The following PVT1 variants were observed in gnomAD, a reference collection of about 807,000 sequenced individuals.
PVT1 encodes Pvt1 oncogene.
intron 5 of PVT1, among the ~76,000 whole-genome samples, chr8:128,076,992 C>G (rs1346026981): frequency 6.6e-6 from 1 of 152,216 alleles, no homozygotes; most frequent in Non-Finnish European, 1.5e-5. Context: ...AAAGGGTATT[C>G]CCCTGCTTTG....
At chr8:127,835,834 T>C (rs1354589182) in intron 2 of PVT1, among the ~76,000 whole-genome samples, 1 of 152,192 alleles carries the variant, frequency 6.6e-6, no homozygotes, top group Non-Finnish European at 1.5e-5. Flanking sequence ...AGATAGACTA[T>C]GCAGGCCTAA....
intron 3 of PVT1, among the ~76,000 whole-genome samples, chr8:127,961,096 C>T (rs1816637771): frequency 6.6e-6 from 1 of 152,084 alleles, no homozygotes; most frequent in African/African-American, 2.4e-5. Flanking sequence ...AAGGAGTTTG[C>T]CCAGAGAAGA....
At chr8:127,869,379 C>A (rs1359839532) in intron 2 of PVT1, among the ~76,000 whole-genome samples, 1 of 152,098 alleles carries the variant, frequency 6.6e-6, no homozygotes, top group African/African-American at 2.4e-5. Context: ...GATGCACCCA[C>A]CTCCTCCTCT....
chr8:127,794,670 T>A (rs1416566216), exon 1 of PVT1: 2 of 152,974 alleles, frequency 1.3e-5, no homozygotes, highest in African/African-American at 4.8e-5. Context: ...TCCAGTGGAT[T>A]TCCTTGCGGA....
intron 4 of PVT1, among the ~76,000 whole-genome samples, chr8:128,034,605 C>T (rs1410360429): frequency 6.6e-6 from 1 of 152,210 alleles, no homozygotes; most frequent in African/African-American, 2.4e-5. Context: ...GCTAAACATA[C>T]ATGTGCAAAA....
rs755767779 is a variant in PVT1, at chr8:128,029,947, A to T, written n.913-40213A>T. 4.7e-4 allele frequency among the ~76,000 whole-genome samples: 71 copies of T among 152,148 alleles called. 1 individual carries two copies. Among genetic ancestry groups the T allele is most frequent in the Non-Finnish European group, 6.9e-4 (47 of 68,024 alleles). On this transcript the variant is annotated intron_variant and non_coding_transcript_variant, in intron 4 of 10. Transcript: ENST00000651587. ...AACAGAGTGACATCTTGTCTTTATA[A>T]AAATTTTTTTTAAAAAATTAGCTGG...
intron 4 of PVT1, among the ~76,000 whole-genome samples, chr8:128,037,767 C>T (rs1025217326): frequency 3.3e-5 from 5 of 152,152 alleles, no homozygotes; most frequent in Non-Finnish European, 5.9e-5. Context: ...AAATGCTGCT[C>T]GCGTTGGTGG....
At chr8:128,059,498 GA>G (rs143545546) in intron 4 of PVT1, among the ~76,000 whole-genome samples, 2,213 of 152,312 alleles carry the variant, frequency 0.015, 22 homozygotes, top group Middle Eastern at 0.058. Flanking sequence ...TGTGATATAT[GA>G]AAATTACATG....
At chr8:128,028,155 A>T (rs962603645) in intron 4 of PVT1, among the ~76,000 whole-genome samples, 4 of 152,046 alleles carry the variant, frequency 2.6e-5, no homozygotes, top group African/African-American at 9.7e-5. Context: ...TGCATTGCAC[A>T]CTCCTTTGAA....
chr8:127,929,712 G>T (rs1816179906), intron 3 of PVT1, among the ~76,000 whole-genome samples: 1 of 151,942 alleles, frequency 6.6e-6, no homozygotes, highest in African/African-American at 2.4e-5. Context: ...AGCTTGCAGT[G>T]AGCCGAGATC....
chr8:128,071,157 G>A (rs1813982829), intron 5 of PVT1, among the ~76,000 whole-genome samples: 1 of 152,212 alleles, frequency 6.6e-6, no homozygotes, highest in Non-Finnish European at 1.5e-5. Flanking sequence ...CACACCAGCT[G>A]CTCCAGCTGA....
chr8:127,945,317 G>T (rs574610777), intron 3 of PVT1, among the ~76,000 whole-genome samples: 1 of 152,072 alleles, frequency 6.6e-6, no homozygotes. Flanking sequence ...CTTCACTGCC[G>T]TGGAGGCTAA....
chr8:127,978,158 C>CT (rs11343602), intron 3 of PVT1, among the ~76,000 whole-genome samples: 14 of 151,422 alleles, frequency 9.2e-5, no homozygotes, highest in African/African-American at 1.9e-4. Context: ...TTCTCTTTCT[C>CT]TTTTTTTTTA....
intron 4 of PVT1, among the ~76,000 whole-genome samples, chr8:128,024,563 G>A (rs1817472450): frequency 6.6e-6 from 1 of 152,058 alleles, no homozygotes; most frequent in African/African-American, 2.4e-5. Context: ...GAAGGTCCAG[G>A]CTGCAGCAAG....
At chr8:128,011,119 G>A (rs1449670734) in intron 4 of PVT1, among the ~76,000 whole-genome samples, 1 of 152,142 alleles carries the variant, frequency 6.6e-6, no homozygotes, top group Admixed American at 6.5e-5. Context: ...AAATGTAGAT[G>A]GCAACAATCT....
chr8:127,960,937 T>TGGGGGGGGG (rs71566655), intron 3 of PVT1, among the ~76,000 whole-genome samples: 3 of 22,048 alleles, frequency 1.4e-4, no homozygotes, highest in Non-Finnish European at 3.6e-4. Flanking sequence ...TGTGTGTGTT[T>TGGGGGGGGG]GGGGGTGGGG....
intron 4 of PVT1, among the ~76,000 whole-genome samples, chr8:128,035,300 T>C (rs1015174207): frequency 6.6e-6 from 1 of 152,166 alleles, no homozygotes; most frequent in Non-Finnish European, 1.5e-5. Context: ...AACAAACACA[T>C]GACTCATTGG....
chr8:127,910,912 TGAGAGAGA>T (rs59712883), intron 3 of PVT1, among the ~76,000 whole-genome samples: 1 of 148,820 alleles, frequency 6.7e-6, no homozygotes, highest in Non-Finnish European at 1.5e-5. Flanking sequence ...TGTGTGTGTG[TGAGAGAGA>T]GAGAGAGAGA....
chr8:127,984,991 C>T (rs1271137995), intron 3 of PVT1, among the ~76,000 whole-genome samples: 3 of 65,776 alleles, frequency 4.6e-5, no homozygotes, highest in African/African-American at 7.8e-5. Flanking sequence ...TTCTTTCTTT[C>T]TCTTTCCTTC....
Sources: gnomAD v4.1 joint callset for allele counts (sites outside exome capture counted in the v4.1 genomes callset) on GRCh38, gnomAD v4.1.1 for gene constraint, MANE v1.5 for transcripts, NCBI Gene and HGNC (gene_info 2026-07-23, HGNC 2026-07-21) for gene names.